KSR2: variants seen among roughly 807,000 people sequenced by gnomAD.
KSR2 encodes the protein kinase suppressor of ras 2.
A neutral mutation model predicts 107.8 loss-of-function variants in KSR2; 25 were observed. The ratio of observed to expected loss-of-function variants is 0.23; its 90% confidence interval spans 0.17 to 0.32. The LOEUF (loss-of-function observed/expected upper bound fraction) is 0.32. Ranked by LOEUF, KSR2 falls within the 10% of genes least tolerant of loss-of-function variation. The probability of loss-of-function intolerance (pLI) is 1.00; values close to 1 mark genes in which losing one functional copy is unlikely to be tolerated. For synonymous variants in KSR2, 480 were observed against 507.0 expected, an observed-to-expected ratio of 0.95 and a Z score of 0.71; for missense variants, 887 against 1,268.9, an observed-to-expected ratio of 0.70 and a Z score of 4.57.
intron 3 of KSR2, among the ~76,000 whole-genome samples, chr12:117,782,256 T>C (rs1889912750): frequency 6.6e-6 from 1 of 152,142 alleles, no homozygotes; most frequent in South Asian, 2.1e-4. Context: ...TATCAAATGT[T>C]AATGAGGAAA....
At chr12:117,849,984 AAG>A (rs1284480328) in intron 3 of KSR2, among the ~76,000 whole-genome samples, 1 of 152,236 alleles carries the variant, frequency 6.6e-6, no homozygotes, top group Non-Finnish European at 1.5e-5. Context: ...CTCAAGAAGT[AAG>A]AGTATGATGG....
chr12:117,589,290 T>C (rs1432605919), intron 5 of KSR2, among the ~76,000 whole-genome samples: 2 of 152,252 alleles, frequency 1.3e-5, no homozygotes, highest in African/African-American at 2.4e-5. Flanking sequence ...TAAAGACCTC[T>C]GAGCACATAA....
chr12:117,726,852 A>G (rs7954219), intron 4 of KSR2, among the ~76,000 whole-genome samples: 1,937 of 152,292 alleles, frequency 0.013, 44 homozygotes, highest in African/African-American at 0.045. Flanking sequence ...AACAAAAAAA[A>G]CTTGTACAAG....
intron 5 of KSR2, among the ~76,000 whole-genome samples, chr12:117,623,462 A>G (rs1882302053): frequency 6.6e-6 from 1 of 152,086 alleles, no homozygotes; most frequent in Non-Finnish European, 1.5e-5. Flanking sequence ...CCTGCCTATG[A>G]GTGAGAACAT....
chr12:117,537,956 C>T (rs1876166730), intron 10 of KSR2, among the ~76,000 whole-genome samples: 1 of 152,172 alleles, frequency 6.6e-6, no homozygotes, highest in African/African-American at 2.4e-5. Context: ...TAAAACGGCC[C>T]TTCCCCATCC....
intron 5 of KSR2, among the ~76,000 whole-genome samples, chr12:117,634,647 A>G (rs1408743038): frequency 6.6e-6 from 1 of 152,118 alleles, no homozygotes; most frequent in Non-Finnish European, 1.5e-5. Context: ...ACAGGGAAGC[A>G]ATGTCATTAG....
intron 14 of KSR2, among the ~76,000 whole-genome samples, chr12:117,497,363 T>G (rs1873092051): frequency 6.6e-6 from 1 of 152,110 alleles, no homozygotes; most frequent in Non-Finnish European, 1.5e-5. Flanking sequence ...ATCACCAGGG[T>G]AGGTACCTAA....
At chr12:117,708,820 C>T (rs1218302359) in intron 4 of KSR2, among the ~76,000 whole-genome samples, 3 of 152,164 alleles carry the variant, frequency 2.0e-5, no homozygotes, top group Admixed American at 1.3e-4. Context: ...ACTTCCCAAT[C>T]GTATTCATCT....
intron 7 of KSR2, among the ~76,000 whole-genome samples, chr12:117,560,501 T>A (rs1288853986): frequency 6.6e-6 from 1 of 152,150 alleles, no homozygotes; most frequent in African/African-American, 2.4e-5. Flanking sequence ...TCTCTTTCAA[T>A]CTGATGGCAC....
chr12:117,657,333 TGAACA>T (rs529235730), intron 5 of KSR2, among the ~76,000 whole-genome samples: 132 of 152,150 alleles, frequency 8.7e-4, no homozygotes, highest in African/African-American at 2.9e-3. Flanking sequence ...AGTCACAACA[TGAACA>T]GAGCCCTTAG....
Position 117,760,978 on chromosome 12 carries a change from G to T in KSR2, c.986+33C>A. On this transcript the variant is annotated intron_variant, in intron 4 of 19. Coordinates refer to ENST00000339824, the MANE Select transcript of KSR2 (RefSeq NM_173598.6). ...GGCAGCCCCTCGCAGGCCGGGTTTC[G>T]ACCGCCCCAGGGCACCCACCGATCG... 1.9e-6 allele frequency: 3 copies of T among 1,611,074 alleles called. No individual in the cohort carries two copies. In the South Asian group the frequency reaches 3.3e-5, roughly 18 times the overall value.
intron 1 of KSR2, among the ~76,000 whole-genome samples, chr12:117,949,425 A>C (rs970117116): frequency 6.6e-6 from 1 of 152,226 alleles, no homozygotes; most frequent in African/African-American, 2.4e-5. Context: ...GAAAATAAAT[A>C]GTATAATTTT....
intron 3 of KSR2, among the ~76,000 whole-genome samples, chr12:117,786,690 C>T (rs11832804): frequency 0.12 from 17,565 of 152,028 alleles, 1,700 homozygotes; most frequent in African/African-American, 0.27. Context: ...GTGGTGGGTG[C>T]CTGTAATCCC....
chr12:117,924,726 G>A (rs984924368), intron 1 of KSR2, among the ~76,000 whole-genome samples: 6 of 152,114 alleles, frequency 3.9e-5, no homozygotes, highest in African/African-American at 1.4e-4. Flanking sequence ...GAAGAGGGAG[G>A]TGGAACTATG....
chr12:117,585,756 A>G (rs1376233175), intron 5 of KSR2, among the ~76,000 whole-genome samples: 1 of 152,248 alleles, frequency 6.6e-6, no homozygotes, highest in Non-Finnish European at 1.5e-5. Flanking sequence ...ACCTATTAAG[A>G]TGTCTCCATA....
intron 4 of KSR2, among the ~76,000 whole-genome samples, chr12:117,695,041 G>A (rs564456110): frequency 3.1e-4 from 47 of 152,030 alleles, no homozygotes; most frequent in African/African-American, 1.0e-3. Flanking sequence ...AGTAGAGACA[G>A]GGTTTCACCA....
chr12:117,581,640 A>G (rs1476482566), intron 6 of KSR2, among the ~76,000 whole-genome samples: 1 of 152,168 alleles, frequency 6.6e-6, no homozygotes, highest in Non-Finnish European at 1.5e-5. Context: ...AAAATGGGGA[A>G]AGCTAATTCA....
intron 3 of KSR2, among the ~76,000 whole-genome samples, chr12:117,765,100 G>A (rs889876009): frequency 4.6e-5 from 7 of 152,236 alleles, no homozygotes; most frequent in African/African-American, 1.4e-4. Flanking sequence ...TTTAGCTGAA[G>A]CTAAATAGGT....
intron 3 of KSR2, among the ~76,000 whole-genome samples, chr12:117,820,199 A>G (rs552448187): frequency 2.6e-5 from 4 of 152,332 alleles, no homozygotes; most frequent in Admixed American, 6.5e-5. Flanking sequence ...GAGAGGGAGA[A>G]ATCAGAGGAG....
Sources: allele counts gnomAD v4.1 joint callset (sites outside exome capture counted in the v4.1 genomes callset), GRCh38; gene constraint gnomAD v4.1.1; transcripts MANE v1.5; gene names NCBI Gene and HGNC (gene_info 2026-07-23, HGNC 2026-07-21).